The following TRPC5 variants were observed in gnomAD, a reference collection of about 807,000 sequenced individuals.
TRPC5 encodes the protein short transient receptor potential channel 5.
In TRPC5, 9 loss-of-function variants were observed where a neutral mutation model predicts 56.5. The observed-to-expected ratio is 0.16, with a 90% CI of 0.10 to 0.28. The LOEUF is 0.28. TRPC5 is among the 10% of genes least tolerant of loss of function. TRPC5 has a pLI of 1.00. For missense variants in TRPC5, 469 were observed against 748.9 expected (o/e 0.63, Z 4.36); for synonymous variants, 282 against 278.5 (o/e 1.01, Z -0.13).
intron 3 of TRPC5, among the ~76,000 whole-genome samples, chrX:111,890,593 A>C (rs1283801165): frequency 1.8e-5 from 2 of 112,012 alleles, no homozygotes; most frequent in Non-Finnish European, 3.8e-5. Flanking sequence ...TCTTGCTGAT[A>C]TCTTAACACT....
chrX:111,915,169 C>G (rs761425772), intron 2 of TRPC5, among the ~76,000 whole-genome samples: 1 of 111,849 alleles, frequency 8.9e-6, no homozygotes, highest in South Asian at 3.8e-4. Flanking sequence ...CCAATACACA[C>G]AGCAGTACCC....
intron 1 of TRPC5, among the ~76,000 whole-genome samples, chrX:112,023,035 C>T (rs938678526): frequency 9.1e-6 from 1 of 109,619 alleles, no homozygotes; most frequent in Non-Finnish European, 1.9e-5. Flanking sequence ...CCCGGGTTCA[C>T]GCCATTCTCC....
chrX:111,986,898 A>G (rs1928226493), intron 1 of TRPC5, among the ~76,000 whole-genome samples: 1 of 111,760 alleles, frequency 8.9e-6, no homozygotes, highest in Non-Finnish European at 1.9e-5. Context: ...GGTCTCCTTC[A>G]GGGCACATAT....
chrX:112,072,931 A>T (rs1273062154), intron 1 of TRPC5, among the ~76,000 whole-genome samples: 3 of 112,360 alleles, frequency 2.7e-5, no homozygotes, highest in Non-Finnish European at 5.6e-5. Context: ...AAGGGCTAAA[A>T]TACTTATGAA....
chrX:112,028,556 T>G (rs149800617), intron 1 of TRPC5, among the ~76,000 whole-genome samples: 4,756 of 111,465 alleles, frequency 0.043, 104 homozygotes, highest in Middle Eastern at 0.074. Context: ...ATAGTTTGCT[T>G]AGAATGATGG....
In TRPC5 at chrX:111,995,084, T is replaced by C. The variant is rs747583914; in HGVS notation, c.-21-42643A>G. Among the ~76,000 whole-genome samples, 3 of 112,107 alleles carry C rather than the reference T, an allele frequency of 2.7e-5. No individual in the cohort carries two copies. In the South Asian group the frequency reaches 1.1e-3, roughly 42 times the overall value. ...ACTTCTAGTTTCTGCCCATTCTGTA[T>C]GATATTGGCTGTGAGTTTGTCATAA... is the stretch of plus-strand genomic sequence containing the variant. On this transcript the variant is annotated intron_variant, in intron 1 of 10. Coordinates refer to ENST00000262839, the MANE Select transcript of TRPC5 (RefSeq NM_012471.3).
intron 7 of TRPC5, among the ~76,000 whole-genome samples, chrX:111,788,720 A>G (rs1945991424): frequency 8.9e-6 from 1 of 112,122 alleles, no homozygotes; most frequent in African/African-American, 3.2e-5. Context: ...ACAAAGTCTC[A>G]GGATACAAAA....
At chrX:112,057,520 C>T (rs1241357214) in intron 1 of TRPC5, among the ~76,000 whole-genome samples, 1 of 111,720 alleles carries the variant, frequency 9.0e-6, no homozygotes, top group Non-Finnish European at 1.9e-5. Flanking sequence ...CCCTGAATTA[C>T]CAAACTTAGT....
intron 1 of TRPC5, among the ~76,000 whole-genome samples, chrX:111,993,216 G>T (rs952216536): frequency 9.0e-6 from 1 of 110,815 alleles, no homozygotes; most frequent in South Asian, 3.9e-4. Flanking sequence ...CCATGTCCCT[G>T]CAAAGGACAT....
chrX:111,966,357 A>G, intron 1 of TRPC5, among the ~76,000 whole-genome samples: 1 of 111,700 alleles, frequency 9.0e-6, no homozygotes, highest in Non-Finnish European at 1.9e-5. Context: ...AACCAAAAAG[A>G]GTCCAGGACC....
chrX:111,790,407 C>T lies in TRPC5; in HGVS notation c.1897-8269G>A, dbSNP rs369310692. On this transcript the variant is annotated intron_variant, in intron 7 of 10. Coordinates refer to ENST00000262839, the MANE Select transcript of TRPC5 (RefSeq NM_012471.3). ...GGGAACATCACACATCAGGGCCTGT[C>T]GGAGGGTGGGGGACTGGGGGAGGGA... Among the ~76,000 whole-genome samples the T allele has an allele frequency of 2.7e-4, 30 of 109,882 alleles. No individual in the cohort carries two copies. The East Asian group carries it at 7.2e-3, about 27-fold the overall frequency.
intron 2 of TRPC5, among the ~76,000 whole-genome samples, chrX:111,933,454 T>A (rs1756760403): frequency 9.0e-6 from 1 of 110,727 alleles, no homozygotes; most frequent in Non-Finnish European, 1.9e-5. Context: ...AATAGGAAAC[T>A]TTCTAATGGG....
At chrX:112,075,778 C>G (rs963707802) in intron 1 of TRPC5, among the ~76,000 whole-genome samples, 15 of 111,663 alleles carry the variant, frequency 1.3e-4, no homozygotes, top group African/African-American at 4.9e-4. Flanking sequence ...TGGGGCCATG[C>G]ACTAAGGAAT....
chrX:112,061,869 G>A (rs1930467447), intron 1 of TRPC5, among the ~76,000 whole-genome samples: 1 of 111,905 alleles, frequency 8.9e-6, no homozygotes, highest in Admixed American at 9.5e-5. Flanking sequence ...GCAAGGAACC[G>A]TAAAGTGAAC....
chrX:111,967,014 A>C (rs1927608736), intron 1 of TRPC5, among the ~76,000 whole-genome samples: 1 of 111,584 alleles, frequency 9.0e-6, no homozygotes, highest in African/African-American at 3.3e-5. Flanking sequence ...AAGGGTATTC[A>C]ATTAGGAAAA....
chrX:111,975,780 T>G (rs1250503849), intron 1 of TRPC5, among the ~76,000 whole-genome samples: 5 of 111,830 alleles, frequency 4.5e-5, no homozygotes, highest in Non-Finnish European at 9.4e-5. Context: ...GGCGTGCGCC[T>G]GTAGTCCCAG....
chrX:111,844,330 T>C (rs1240374400), intron 6 of TRPC5, among the ~76,000 whole-genome samples: 1 of 111,374 alleles, frequency 9.0e-6, no homozygotes. Context: ...AGGCCACGTA[T>C]TCCCAGTATG....
intron 1 of TRPC5, among the ~76,000 whole-genome samples, chrX:111,986,726 C>A (rs1218816869): frequency 2.7e-5 from 3 of 111,424 alleles, no homozygotes; most frequent in Non-Finnish European, 5.7e-5. Context: ...TATCCCCACT[C>A]CAAAATTCAG....
intron 2 of TRPC5, among the ~76,000 whole-genome samples, chrX:111,944,435 ACT>A (rs1197038593): frequency 9.1e-6 from 1 of 110,070 alleles, no homozygotes; most frequent in East Asian, 2.9e-4. Context: ...TTAATGAAAG[ACT>A]CTACTGCTGA....
Sources: gnomAD v4.1 joint callset for allele counts (sites outside exome capture counted in the v4.1 genomes callset) on GRCh38, gnomAD v4.1.1 for gene constraint, MANE v1.5 for transcripts, NCBI Gene and HGNC (gene_info 2026-07-23, HGNC 2026-07-21) for gene names.